The following ZEB2 variants were observed in gnomAD, a reference collection of about 807,000 sequenced individuals.
The protein encoded by ZEB2 is zinc finger E-box-binding homeobox 2.
In ZEB2, 6 loss-of-function variants were observed where a neutral mutation model predicts 99.9. The observed-to-expected ratio is 0.06, with a 90% CI of 0.03 to 0.12. The LOEUF is 0.12. Among genes scored for constraint, ZEB2 ranks in the 10% least tolerant of loss-of-function variants. The pLI is 1.00. For synonymous variants in ZEB2, 517 were observed against 542.5 expected (o/e 0.95, Z 0.65); for missense variants, 969 against 1,502.8 (o/e 0.64, Z 5.87).
At chr2:144,430,322 T>C (rs1176854312) in intron 2 of ZEB2, among the ~76,000 whole-genome samples, 2 of 152,150 alleles carry the variant, frequency 1.3e-5, no homozygotes, top group Non-Finnish European at 2.9e-5. Context: ...AAGAGACGTA[T>C]TGCAATATGT....
chr2:144,483,150 A>ACACACACACACACGCGCG (rs1553968388), intron 2 of ZEB2, among the ~76,000 whole-genome samples: 10 of 149,546 alleles, frequency 6.7e-5, no homozygotes, highest in Non-Finnish European at 1.0e-4. Flanking sequence ...ACACACACAC[A>ACACACACACACACGCGCG]CACACACACA....
chr2:144,487,583 T>C (rs1704616618), intron 2 of ZEB2, among the ~76,000 whole-genome samples: 1 of 152,250 alleles, frequency 6.6e-6, no homozygotes, highest in African/African-American at 2.4e-5. Flanking sequence ...GTTATCTATT[T>C]AACTTTACAA....
At chr2:144,510,094 A>G (rs1705009242) in intron 2 of ZEB2, among the ~76,000 whole-genome samples, 1 of 152,206 alleles carries the variant, frequency 6.6e-6, no homozygotes, top group South Asian at 2.1e-4. Flanking sequence ...ACAGCCCTCA[A>G]AGCTTTTTAA....
At chr2:144,456,058 A>G (rs1704117893) in intron 2 of ZEB2, among the ~76,000 whole-genome samples, 1 of 152,180 alleles carries the variant, frequency 6.6e-6, no homozygotes, top group African/African-American at 2.4e-5. Flanking sequence ...TCAGAGATTC[A>G]GCATTTAAGA....
chr2:144,401,404 C>CA (rs1046003691), intron 6 of ZEB2, 97 bp from the exon 7 acceptor site: 1 of 1,202,748 alleles, frequency 8.3e-7, no homozygotes, highest in African/African-American at 1.5e-5. Context: ...TCAGACAGGC[C>CA]AAAAGGTTTG....
intron 2 of ZEB2, among the ~76,000 whole-genome samples, chr2:144,451,588 C>T (rs1704055476): frequency 1.3e-5 from 2 of 152,112 alleles, no homozygotes; most frequent in Non-Finnish European, 2.9e-5. Context: ...ACTTGGAAAT[C>T]CTAAAGGATA....
intron 2 of ZEB2, among the ~76,000 whole-genome samples, chr2:144,510,708 CT>C (rs1705021232): frequency 1.3e-5 from 2 of 152,070 alleles, no homozygotes; most frequent in African/African-American, 2.4e-5. Context: ...CTCTCTCTCT[CT>C]CTCTCTCTTT....
At chr2:144,463,058 A>G (rs1704216956) in intron 2 of ZEB2, 1 of 152,124 alleles carries the variant, frequency 6.6e-6, no homozygotes, top group African/African-American at 2.4e-5. Flanking sequence ...CTGAATGCAA[A>G]CCCCAATAGG....
chr2:144,483,773 A>G (rs534391810), intron 2 of ZEB2, among the ~76,000 whole-genome samples: 2 of 152,274 alleles, frequency 1.3e-5, no homozygotes, highest in East Asian at 3.9e-4. Flanking sequence ...AACTACCTCA[A>G]AGGCTATCTT....
intron 2 of ZEB2, among the ~76,000 whole-genome samples, chr2:144,515,601 T>C (rs1489783058): frequency 6.6e-6 from 1 of 151,734 alleles, no homozygotes; most frequent in Non-Finnish European, 1.5e-5. Flanking sequence ...GCTCGGAATA[T>C]ATTATTGTAC....
chr2:144,393,039 A>G (rs1034531069), intron 9 of ZEB2, among the ~76,000 whole-genome samples: 1 of 152,228 alleles, frequency 6.6e-6, no homozygotes, highest in Non-Finnish European at 1.5e-5. Context: ...TTTCAAAAGC[A>G]CCTACCATGA....
intron 2 of ZEB2, among the ~76,000 whole-genome samples, chr2:144,475,835 G>C (rs1277843560): frequency 1.3e-5 from 2 of 152,160 alleles, no homozygotes; most frequent in Non-Finnish European, 2.9e-5. Context: ...CTCAGTAGCA[G>C]GTTTTAAATA....
At position 144,399,692 on chromosome 2, in the gene ZEB2, C is replaced by T. The variant is rs769283637; in HGVS notation, c.1495G>A (p.Glu499Lys). The change falls in exon 8 of 10, where the codon GAG becomes AAG. Residue 499 changes from glutamate to lysine, a missense_variant. Around this residue, in one of 8 missense-constraint regions of ZEB2, gnomAD observed 227 missense variants for 278.2 expected, o/e 0.82. Coordinates refer to ENST00000627532, the MANE Select transcript of ZEB2 (RefSeq NM_014795.4). The surrounding 1 kb of genome is among the most constrained non-coding windows in gnomAD (Gnocchi z 5.6). Reference sequence around the variant, plus strand: ...TTAGGAGAAGTAACTCCTTGTTCCTCAGGTTGAGAGCATGGATCCTTCATG... The same window carrying T: ...TTAGGAGAAGTAACTCCTTGTTCCTTAGGTTGAGAGCATGGATCCTTCATG... ...YHMKDPCSQP[E>K]EQGVTSPNIP... 6.2e-7 allele frequency: 1 copy of T among 1,614,174 alleles called. No homozygotes were observed. Among genetic ancestry groups the T allele is most frequent in the Non-Finnish European group, 8.5e-7 (1 of 1,180,026 alleles).
At chr2:144,424,255 C>A in intron 4 of ZEB2, 1 of 422,810 alleles carries the variant, frequency 2.4e-6, no homozygotes, top group South Asian at 1.8e-5. Flanking sequence ...TTCTCTAAAA[C>A]TGCCTGGAAA....
intron 2 of ZEB2, chr2:144,462,227 C>T (rs1704203728): frequency 6.6e-6 from 1 of 152,068 alleles, no homozygotes; most frequent in Non-Finnish European, 1.5e-5. Context: ...AATATAACTG[C>T]TCTGGAGTAA....
rs2149877934 is a variant in ZEB2, at chr2:144,401,188, C to T, written c.916+11G>A. 6 of 1,612,468 alleles carry T rather than the reference C, an allele frequency of 3.7e-6. No homozygotes were observed. The African/African-American group carries it at 5.3e-5, about 14-fold the overall frequency. On this transcript the variant is annotated intron_variant, in intron 7 of 9. Transcript: ENST00000627532. ...AATGCAAATGCGAGCTCCAGCACCTCTGCTACTCACCACTGTGAATTCGCA... is the reference window on the plus strand; with the variant it reads ...AATGCAAATGCGAGCTCCAGCACCTTTGCTACTCACCACTGTGAATTCGCA...
chr2:144,406,654 G>A (rs954510411), intron 4 of ZEB2, among the ~76,000 whole-genome samples: 2 of 152,194 alleles, frequency 1.3e-5, no homozygotes, highest in Admixed American at 6.5e-5. Flanking sequence ...TAAGGCGGGA[G>A]CCAGGCCATG....
At chr2:144,414,038 A>G (rs1703501688) in intron 4 of ZEB2, among the ~76,000 whole-genome samples, 1 of 152,150 alleles carries the variant, frequency 6.6e-6, no homozygotes, top group African/African-American at 2.4e-5. Flanking sequence ...CCAACCTTAT[A>G]CTAATATTAT....
chr2:144,440,511 ATATATTTTTTTTTTT>A (rs1249395624), intron 2 of ZEB2, among the ~76,000 whole-genome samples: 479 of 30,072 alleles, frequency 0.016, 3 homozygotes, highest in African/African-American at 0.042. Context: ...ATATATATAT[ATATATTTTTTTTTTT>A]TTTTTTTTTT....
Sources: gnomAD v4.1 joint callset for allele counts (sites outside exome capture counted in the v4.1 genomes callset) on GRCh38, gnomAD v4.1.1 for gene constraint, gnomAD v4.1.1 regional missense constraint, Gnocchi (gnomAD v3.1) non-coding constraint, MANE v1.5 for transcripts, NCBI Gene and HGNC (gene_info 2026-07-23, HGNC 2026-07-21) for gene names.